RNF24: variants seen among roughly 807,000 people sequenced by gnomAD.
RNF24 encodes the protein ring finger protein 24.
In RNF24, 14 loss-of-function variants were observed where a neutral mutation model predicts 20.0. That is an observed-to-expected ratio of 0.70 (90% CI 0.46 to 1.10). RNF24 has a LOEUF of 1.10. Ranked by LOEUF, RNF24 falls within the 50% of genes least tolerant of loss-of-function variation. RNF24 has a pLI of 0.00. For synonymous variants in RNF24, 45 were observed against 61.1 expected, an observed-to-expected ratio of 0.74 and a Z score of 1.23; for missense variants, 124 against 177.6, an observed-to-expected ratio of 0.70 and a Z score of 1.71.
At chr20:4,003,248 C>T (rs1422633313) in intron 1 of RNF24, among the ~76,000 whole-genome samples, 2 of 152,214 alleles carry the variant, frequency 1.3e-5, no homozygotes, top group Non-Finnish European at 2.9e-5. Context: ...GGATTACAGG[C>T]GTGAACCACC....
chr20:3,951,458 A>T (rs1309923760), intron 2 of RNF24, among the ~76,000 whole-genome samples: 1 of 152,086 alleles, frequency 6.6e-6, no homozygotes, highest in Non-Finnish European at 1.5e-5. Context: ...TTATTTTCTC[A>T]AGCTTTTGCC....
rs987433993 is a variant in RNF24 at position 3,978,367 on chromosome 20, T to C, written c.-7-14343A>G. Among the ~76,000 whole-genome samples the C allele has an allele frequency of 4.6e-5, 6 of 129,136 alleles. No individual in the cohort carries two copies. In the Admixed American group the frequency reaches 4.7e-4, roughly 10 times the overall value. 84.7% of individuals were successfully genotyped at this position (129,136 alleles called of 152,430 possible). On this transcript the variant is annotated intron_variant, in intron 1 of 5. Coordinates refer to ENST00000358395, the MANE Select transcript of RNF24 (RefSeq NM_001134337.3). ...ACTAAATTTTAAAAGTAAAAAAAAA[T>C]TAATGTATATTTCAAAATAGCTAGA... is the stretch of plus-strand genomic sequence containing the variant.
chr20:3,990,013 C>T (rs1448599348), intron 1 of RNF24, among the ~76,000 whole-genome samples: 3 of 152,028 alleles, frequency 2.0e-5, no homozygotes, highest in Non-Finnish European at 4.4e-5. Flanking sequence ...GCTGACATTT[C>T]CCATTAGAGA....
chr20:3,949,291 A>G (rs2091054820), intron 2 of RNF24, among the ~76,000 whole-genome samples: 1 of 150,316 alleles, frequency 6.7e-6, no homozygotes, highest in Admixed American at 6.6e-5. Flanking sequence ...GAGGCAGGAG[A>G]ATCACTTGAA....
At chr20:3,962,920 C>T (rs1204785892) in intron 2 of RNF24, among the ~76,000 whole-genome samples, 10 of 151,458 alleles carry the variant, frequency 6.6e-5, no homozygotes, top group Admixed American at 3.3e-4. Flanking sequence ...AGGCTGGTCT[C>T]GAACTCCCGA....
intron 1 of RNF24, among the ~76,000 whole-genome samples, chr20:3,971,651 A>C (rs1402931261): frequency 1.3e-5 from 2 of 152,208 alleles, no homozygotes; most frequent in Non-Finnish European, 2.9e-5. Context: ...AAAGTATACT[A>C]GTAGACTGCA....
intron 1 of RNF24, among the ~76,000 whole-genome samples, chr20:3,998,337 G>A (rs1229018465): frequency 6.6e-6 from 1 of 152,098 alleles, no homozygotes; most frequent in African/African-American, 2.4e-5. Context: ...CACTTTGGGA[G>A]GCCAAGGTGG....
intron 1 of RNF24, among the ~76,000 whole-genome samples, chr20:4,008,588 C>A (rs1982176589): frequency 7.2e-6 from 1 of 139,196 alleles, no homozygotes; most frequent in Admixed American, 8.0e-5. Context: ...CGCTCTGTCA[C>A]CCAGGCTGGA....
chr20:3,935,913 T>C (rs3939769), intron 4 of RNF24, among the ~76,000 whole-genome samples: 2,581 of 151,792 alleles, frequency 0.017, 91 homozygotes, highest in African/African-American at 0.06. Flanking sequence ...TGTTGTGCCA[T>C]TGCTTTCTCC....
intron 1 of RNF24, among the ~76,000 whole-genome samples, chr20:3,998,829 C>A (rs1480056523): frequency 6.6e-6 from 1 of 150,890 alleles, no homozygotes; most frequent in Non-Finnish European, 1.5e-5. Context: ...ACCTGTAATC[C>A]CAGGACTTTG....
At chr20:3,992,615 A>G (rs1980545361) in intron 1 of RNF24, among the ~76,000 whole-genome samples, 1 of 152,170 alleles carries the variant, frequency 6.6e-6, no homozygotes, top group African/African-American at 2.4e-5. Flanking sequence ...TTACTTCTGC[A>G]AACAAACTAC....
intron 1 of RNF24, among the ~76,000 whole-genome samples, chr20:4,007,738 C>CAAAAAA (rs1161702317): frequency 1.8e-5 from 1 of 56,308 alleles, no homozygotes; most frequent in African/African-American, 6.4e-5. Context: ...CCTGTCTCTA[C>CAAAAAA]AAAAAAAAAA....
intron 1 of RNF24, among the ~76,000 whole-genome samples, chr20:3,965,927 A>T (rs1425325563): frequency 6.6e-6 from 1 of 152,094 alleles, no homozygotes; most frequent in Non-Finnish European, 1.5e-5. Context: ...TGAGGTTAGG[A>T]GTTCGAGACC....
At chr20:3,946,386 A>AGAGGTTGCAGT (rs2091017301) in intron 3 of RNF24, among the ~76,000 whole-genome samples, 1 of 151,944 alleles carries the variant, frequency 6.6e-6, no homozygotes, top group South Asian at 2.1e-4. Context: ...CCCAGGAGGC[A>AGAGGTTGCAGT]GAGGTTGCAG....
chr20:3,982,569 ACT>A (rs1979512861), intron 1 of RNF24, among the ~76,000 whole-genome samples: 1 of 114,398 alleles, frequency 8.7e-6, no homozygotes, highest in African/African-American at 3.1e-5. Flanking sequence ...ACAGGGTGAG[ACT>A]CTGTCTCAAA....
chr20:3,995,822 T>A (rs1980813732), intron 1 of RNF24, among the ~76,000 whole-genome samples: 1 of 152,004 alleles, frequency 6.6e-6, no homozygotes, highest in Non-Finnish European at 1.5e-5. Context: ...TGAATTTGGT[T>A]CTGCTTTTTT....
chr20:3,979,295 C>T (rs181940537), intron 1 of RNF24, among the ~76,000 whole-genome samples: 3 of 151,904 alleles, frequency 2.0e-5, no homozygotes, highest in African/African-American at 7.3e-5. Flanking sequence ...GGCCACAATA[C>T]GTGACTACAA....
chr20:4,008,346 C>G (rs6037719), intron 1 of RNF24, among the ~76,000 whole-genome samples: 1 of 37,198 alleles, frequency 2.7e-5, no homozygotes, highest in African/African-American at 1.2e-4. Context: ...ATATATTATA[C>G]ATGTAATATG....
chr20:3,956,844 A>G (rs1043752979), intron 2 of RNF24, among the ~76,000 whole-genome samples: 3 of 152,180 alleles, frequency 2.0e-5, no homozygotes, highest in Admixed American at 6.5e-5. Context: ...CCATTTTCAC[A>G]TAAAGAAACT....
Sources: allele counts gnomAD v4.1 joint callset (sites outside exome capture counted in the v4.1 genomes callset), GRCh38; gene constraint gnomAD v4.1.1; transcripts MANE v1.5; gene names NCBI Gene and HGNC (gene_info 2026-07-23, HGNC 2026-07-21).